CNTNAP2: variants seen among roughly 807,000 people sequenced by gnomAD.
The protein encoded by CNTNAP2 is contactin-associated protein-like 2.
CNTNAP2 carries 98 observed loss-of-function variants against 155.2 expected under a neutral mutation model. The observed-to-expected ratio is 0.63, with a 90% CI of 0.54 to 0.75. CNTNAP2 has a LOEUF of 0.75. Ranked by LOEUF, CNTNAP2 falls within the 30% of genes least tolerant of loss-of-function variation. The pLI, the probability that CNTNAP2 is intolerant of heterozygous loss-of-function variation, is 0.00. For synonymous variants in CNTNAP2, 651 were observed against 631.2 expected (o/e 1.03, Z -0.47); for missense variants, 1,727 against 1,688.1 (o/e 1.02, Z -0.40).
At chr7:146,942,196 C>G (rs1480822400) in intron 3 of CNTNAP2, among the ~76,000 whole-genome samples, 1 of 151,740 alleles carries the variant, frequency 6.6e-6, no homozygotes, top group Admixed American at 6.6e-5. Flanking sequence ...GGAAAAATAC[C>G]TTCAAAATTC....
chr7:147,198,111 AT>A (rs751573372), intron 8 of CNTNAP2, among the ~76,000 whole-genome samples: 26 of 152,148 alleles, frequency 1.7e-4, no homozygotes, highest in Non-Finnish European at 2.9e-4. Context: ...TACTTTAAAA[AT>A]ATCTATTTAA....
At chr7:147,348,611 A>G (rs1466856688) in intron 9 of CNTNAP2, among the ~76,000 whole-genome samples, 1 of 152,056 alleles carries the variant, frequency 6.6e-6, no homozygotes, top group Non-Finnish European at 1.5e-5. Flanking sequence ...TACAAATAGC[A>G]CTACCATATG....
chr7:148,157,983 T>A (rs1188253846), intron 17 of CNTNAP2, among the ~76,000 whole-genome samples: 1 of 152,178 alleles, frequency 6.6e-6, no homozygotes. Flanking sequence ...CAGCCCTCTA[T>A]TCTTTTCTGA....
intron 9 of CNTNAP2, among the ~76,000 whole-genome samples, chr7:147,352,620 T>G (rs1310382729): frequency 6.6e-6 from 1 of 152,002 alleles, no homozygotes; most frequent in Non-Finnish European, 1.5e-5. Flanking sequence ...ATTGACACAT[T>G]CAAAGAACTT....
chr7:146,954,645 T>G (rs779453895), intron 3 of CNTNAP2, among the ~76,000 whole-genome samples: 1 of 151,908 alleles, frequency 6.6e-6, no homozygotes, highest in Admixed American at 6.6e-5. Context: ...CTATATCTTT[T>G]TGTTTTTTTG....
intron 10 of CNTNAP2, among the ~76,000 whole-genome samples, chr7:147,485,157 C>T (rs1563222787): frequency 6.6e-6 from 1 of 152,144 alleles, no homozygotes; most frequent in Non-Finnish European, 1.5e-5. Context: ...TCTAAAGCTT[C>T]CGTTTATTGG....
intron 12 of CNTNAP2, among the ~76,000 whole-genome samples, chr7:147,635,190 A>G (rs1450750276): frequency 6.7e-6 from 1 of 150,188 alleles, no homozygotes; most frequent in Non-Finnish European, 1.5e-5. Flanking sequence ...CAAACTATAT[A>G]TATATATATA....
chr7:147,073,731 G>A (rs1431483717), intron 4 of CNTNAP2, among the ~76,000 whole-genome samples: 2 of 152,158 alleles, frequency 1.3e-5, no homozygotes, highest in Non-Finnish European at 2.9e-5. Context: ...GGGCACCAGG[G>A]ATGAGCACTG....
At chr7:148,380,801 A>G (rs947364545) in intron 21 of CNTNAP2, among the ~76,000 whole-genome samples, 3 of 152,162 alleles carry the variant, frequency 2.0e-5, no homozygotes, top group African/African-American at 7.2e-5. Context: ...AGTGCCCCCC[A>G]TCATGTACTG....
At chr7:146,556,625 A>T (rs1264215121) in intron 1 of CNTNAP2, among the ~76,000 whole-genome samples, 1 of 152,178 alleles carries the variant, frequency 6.6e-6, no homozygotes. Context: ...CAGTGAGAAA[A>T]ACTCATATAG....
chr7:146,874,457 G>T (rs368996599), intron 3 of CNTNAP2, among the ~76,000 whole-genome samples: 1 of 151,792 alleles, frequency 6.6e-6, no homozygotes, highest in African/African-American at 2.4e-5. Flanking sequence ...CTCCTGCCTC[G>T]GCTTCCCGAG....
intron 3 of CNTNAP2, among the ~76,000 whole-genome samples, chr7:147,037,682 A>AGTCTGTT: frequency 6.6e-6 from 1 of 151,884 alleles, no homozygotes; most frequent in African/African-American, 2.4e-5. Flanking sequence ...AACTTCTCTG[A>AGTCTGTT]GTCTGTTTCC....
chr7:148,095,965 A>G (rs897205096), intron 15 of CNTNAP2, among the ~76,000 whole-genome samples: 2 of 152,254 alleles, frequency 1.3e-5, no homozygotes, highest in Non-Finnish European at 2.9e-5. Flanking sequence ...AGATGTTTAA[A>G]GTTTAATATT....
At chr7:146,703,684 A>G (rs1175477363) in intron 1 of CNTNAP2, among the ~76,000 whole-genome samples, 1 of 152,068 alleles carries the variant, frequency 6.6e-6, no homozygotes, top group African/African-American at 2.4e-5. Context: ...GAAGAGGAAA[A>G]CGAGCTCCCT....
chr7:146,893,392 G>A (rs1175229851), intron 3 of CNTNAP2, among the ~76,000 whole-genome samples: 3 of 151,270 alleles, frequency 2.0e-5, no homozygotes, highest in Non-Finnish European at 4.4e-5. Context: ...TCTATATAGA[G>A]ATCATTTATT....
intron 3 of CNTNAP2, among the ~76,000 whole-genome samples, chr7:147,023,806 T>C (rs774371299): frequency 2.6e-5 from 4 of 152,238 alleles, no homozygotes; most frequent in Admixed American, 6.5e-5. Flanking sequence ...TGAGTCCTCA[T>C]GTGCCAAACT....
Position 148,415,506 on chromosome 7 carries a change from A to C in CNTNAP2, c.3886A>C (p.Asn1296His), listed in dbSNP as rs1245295352. 2 of 1,614,198 alleles carry C rather than the reference A, an allele frequency of 1.2e-6. No individual in the cohort carries two copies. Among genetic ancestry groups the C allele is most frequent in the Non-Finnish European group, 1.7e-6 (2 of 1,180,018 alleles). ...MFRHKGTYHT[N>H]EAKGAESAES... ...CCGCCACAAGGGCACCTACCATACC[A>C]ACGAAGCAAAGGGGGCGGAGTCGGC... The change falls in exon 24 of 24, where the codon AAC (asparagine) becomes CAC (histidine). Residue 1296 changes from asparagine to histidine, a missense_variant. By Grantham distance (68) the Asn-to-His change is moderately conservative (BLOSUM62 1). Coordinates refer to ENST00000361727, the MANE Select transcript of CNTNAP2 (RefSeq NM_014141.6).
At chr7:147,249,966 C>T (rs1218296360) in intron 8 of CNTNAP2, among the ~76,000 whole-genome samples, 2 of 152,160 alleles carry the variant, frequency 1.3e-5, no homozygotes, top group African/African-American at 2.4e-5. Flanking sequence ...AAAGACAGCT[C>T]AGTCTCACAG....
At chr7:146,371,882 C>T (rs1795241831) in intron 1 of CNTNAP2, among the ~76,000 whole-genome samples, 1 of 151,086 alleles carries the variant, frequency 6.6e-6, no homozygotes, top group African/African-American at 2.4e-5. Context: ...TTGCTTGAAC[C>T]TGGGATGGGG....
Sources: allele counts gnomAD v4.1 joint callset (sites outside exome capture counted in the v4.1 genomes callset), GRCh38; gene constraint gnomAD v4.1.1; transcripts MANE v1.5; gene names NCBI Gene and HGNC (gene_info 2026-07-23, HGNC 2026-07-21).